The following MRPL33 variants were observed in gnomAD, a reference collection of about 807,000 sequenced individuals.
MRPL33 encodes mitochondrial ribosomal protein L33.
A neutral mutation model predicts 10.1 loss-of-function variants in MRPL33; 5 were observed. That is an observed-to-expected ratio of 0.49 (90% CI 0.26 to 1.04). The LOEUF is 1.04. MRPL33 is among the 50% of genes least tolerant of loss of function. The probability of loss-of-function intolerance (pLI) is 0.14; values close to 1 mark genes in which losing one functional copy is unlikely to be tolerated. For synonymous variants in MRPL33, 24 were observed against 27.7 expected (o/e 0.87, Z 0.42); for missense variants, 79 against 78.1 (o/e 1.01, Z -0.04).
chr2:27,775,784 A>G (rs1312413171), intron 3 of MRPL33, among the ~76,000 whole-genome samples: 1 of 152,196 alleles, frequency 6.6e-6, no homozygotes, highest in Non-Finnish European at 1.5e-5. Context: ...TGCTGTTTTT[A>G]TGGTGTTCAA....
chr2:27,774,762 A>T (rs1414963890), intron 3 of MRPL33, among the ~76,000 whole-genome samples: 1 of 152,252 alleles, frequency 6.6e-6, no homozygotes, highest in Admixed American at 6.5e-5. Flanking sequence ...GGGAGAAAAG[A>T]TGACAAATTA....
chr2:27,777,881 T>C (rs377248037), intron 3 of MRPL33, among the ~76,000 whole-genome samples: 1 of 152,198 alleles, frequency 6.6e-6, no homozygotes, highest in African/African-American at 2.4e-5. Flanking sequence ...ACCAAGTTTT[T>C]AGTTCCCTGT....
chr2:27,779,227 T>G (rs1278980752), intron 3 of MRPL33, among the ~76,000 whole-genome samples: 1 of 152,184 alleles, frequency 6.6e-6, no homozygotes, highest in Non-Finnish European at 1.5e-5. Context: ...ATGCTGCTGA[T>G]TAGCTAGTGG....
chr2:27,779,003 A>G (rs1219939657), intron 3 of MRPL33, among the ~76,000 whole-genome samples: 1 of 152,218 alleles, frequency 6.6e-6, no homozygotes, highest in Non-Finnish European at 1.5e-5. Flanking sequence ...TCTGGGAAGT[A>G]GAGGTTTAGT....
intron 2 of MRPL33, 118 bp from the exon 3 acceptor site, chr2:27,774,306 C>A: frequency 1.3e-6 from 1 of 790,848 alleles, no homozygotes; most frequent in Non-Finnish European, 2.2e-6. Flanking sequence ...CTTTTAGGGC[C>A]AAGTGATATC....
intron 2 of MRPL33, among the ~76,000 whole-genome samples, chr2:27,773,814 A>G (rs1290377231): frequency 2.0e-5 from 3 of 152,236 alleles, no homozygotes; most frequent in Admixed American, 6.5e-5. Flanking sequence ...ATTACATGAG[A>G]AATAAAATAA....
At chr2:27,772,772 A>G (rs1677078284) in intron 2 of MRPL33, 80 bp downstream of exon 2, 2 of 1,150,704 alleles carry the variant, frequency 1.7e-6, no homozygotes, top group Non-Finnish European at 2.5e-6. Flanking sequence ...GTACATCCTT[A>G]TATGAAATTA....
chr2:27,772,594 A>G (rs1416087946), intron 1 of MRPL33, 80 bp from the exon 2 acceptor site: 2 of 1,171,036 alleles, frequency 1.7e-6, no homozygotes, highest in Non-Finnish European at 2.4e-6. Context: ...TATTACTGAT[A>G]TTTATATGAA....
intron 3 of MRPL33, among the ~76,000 whole-genome samples, chr2:27,777,841 A>G (rs975454028): frequency 7.9e-5 from 12 of 152,158 alleles, no homozygotes; most frequent in Non-Finnish European, 1.6e-4. Context: ...TTTCAGTGAG[A>G]CAACCCCCCT....
intron 3 of MRPL33, among the ~76,000 whole-genome samples, chr2:27,775,459 C>T (rs192108871): frequency 2.3e-3 from 331 of 145,794 alleles, no homozygotes; most frequent in African/African-American, 8.0e-3. Context: ...TCAAGTGATT[C>T]TCCTGCTTCA....
chr2:27,771,743 T>G lies in MRPL33; in HGVS notation c.-35T>G, dbSNP rs1677047038. On this transcript the variant is annotated 5_prime_UTR_variant, in exon 1 of 4. Coordinates refer to ENST00000296102, the MANE Select transcript of MRPL33 (RefSeq NM_004891.4). ...CAGTTGTTGTTGGTTGGGGGCCTTT[T>G]GGCCGGTGACGGAGACTGCCCAGGT... The G allele has an allele frequency of 6.2e-7, 1 of 1,614,008 alleles. No individual in the cohort carries two copies. Among genetic ancestry groups the G allele is most frequent in the East Asian group, 2.2e-5 (1 of 44,874 alleles).
At chr2:27,776,474 C>A (rs937184831) in intron 3 of MRPL33, among the ~76,000 whole-genome samples, 1 of 152,210 alleles carries the variant, frequency 6.6e-6, no homozygotes, top group Admixed American at 6.5e-5. Context: ...GGTAAGGAAA[C>A]GTGAAAAAAT....
At chr2:27,778,668 C>T (rs980539523) in intron 3 of MRPL33, among the ~76,000 whole-genome samples, 4 of 152,034 alleles carry the variant, frequency 2.6e-5, no homozygotes, top group African/African-American at 9.7e-5. Context: ...GATTCTCCTG[C>T]GCCAGCCTCC....
At chr2:27,776,532 C>G (rs1479572764) in intron 3 of MRPL33, among the ~76,000 whole-genome samples, 1 of 152,248 alleles carries the variant, frequency 6.6e-6, no homozygotes, top group Non-Finnish European at 1.5e-5. Context: ...CAAGAAGCAG[C>G]TGCATGTGCC....
At chr2:27,773,561 C>G (rs1677092861) in intron 2 of MRPL33, among the ~76,000 whole-genome samples, 1 of 152,236 alleles carries the variant, frequency 6.6e-6, no homozygotes, top group South Asian at 2.1e-4. Context: ...CATGTACCAA[C>G]TCACCTTCCA....
At chr2:27,772,032 C>T in intron 1 of MRPL33, 1 of 510,138 alleles carries the variant, frequency 2.0e-6, no homozygotes, top group Non-Finnish European at 3.5e-6. Flanking sequence ...AATTGCCGTC[C>T]TCACGGACCG....
Position 27,772,194 on chromosome 2 carries a change from G to A in MRPL33, c.22+395G>A, listed in dbSNP as rs983656005. 3.0e-5 allele frequency: 8 copies of A among 270,662 alleles called. No individual in the cohort carries two copies. In the Admixed American group the frequency reaches 3.9e-4, roughly 13 times the overall value. 16.8% of individuals were successfully genotyped at this position (270,662 alleles called of 1,614,324 possible). A position where few individuals can be genotyped will look rare whatever the true frequency, so the allele number is the denominator to read the frequency against. ...ATGAATTGCCTGAGTAATGCGGCAGGGCAGTTAAAGAAGTCCTCGGGCTCC... is the reference window on the plus strand; with the variant it reads ...ATGAATTGCCTGAGTAATGCGGCAGAGCAGTTAAAGAAGTCCTCGGGCTCC... On this transcript the variant is annotated intron_variant, in intron 1 of 3. Coordinates refer to ENST00000296102, the MANE Select transcript of MRPL33 (RefSeq NM_004891.4).
chr2:27,777,523 T>G, intron 3 of MRPL33, among the ~76,000 whole-genome samples: 1 of 152,092 alleles, frequency 6.6e-6, no homozygotes, highest in Admixed American at 6.6e-5. Context: ...GGGACCAAAC[T>G]TGACACTTTC....
chr2:27,774,591 T>C (rs1677114607), intron 3 of MRPL33, 61 bp downstream of exon 3: 1 of 1,340,496 alleles, frequency 7.5e-7, no homozygotes, highest in South Asian at 1.2e-5. Context: ...GCTGAACATC[T>C]GAACTCTCTG....
Sources: allele counts gnomAD v4.1 joint callset (sites outside exome capture counted in the v4.1 genomes callset), GRCh38; gene constraint gnomAD v4.1.1; transcripts MANE v1.5; gene names NCBI Gene and HGNC (gene_info 2026-07-23, HGNC 2026-07-21).